The following MAJIN variants were observed in gnomAD, a reference collection of about 807,000 sequenced individuals.
MAJIN encodes membrane anchored junction protein, also known as membrane-anchored junction protein.
MAJIN carries 27 observed loss-of-function variants against 30.2 expected under a neutral mutation model. The observed-to-expected ratio is 0.89, with a 90% confidence interval of 0.66 to 1.23. The LOEUF (loss-of-function observed/expected upper bound fraction) is 1.23. MAJIN is among the 50% of genes most tolerant of loss of function. The pLI is 0.00. For missense variants in MAJIN, 253 were observed against 260.3 expected (o/e 0.97, Z 0.19); for synonymous variants, 78 against 91.6 (o/e 0.85, Z 0.85).
At chr11:64,938,613 G>A in intron 10 of MAJIN, 40 bp from the exon 11 acceptor site, 3 of 1,526,168 alleles carry the variant, frequency 2.0e-6, no homozygotes, top group Non-Finnish European at 2.6e-6. Context: ...ACTCTATGAG[G>A]TCTCCTTCCC....
At chr11:64,970,240 G>A (rs1476702430) in intron 1 of MAJIN, among the ~76,000 whole-genome samples, 2 of 151,232 alleles carry the variant, frequency 1.3e-5, no homozygotes, top group Non-Finnish European at 3.0e-5. Flanking sequence ...GCAGACACCT[G>A]TAATCCCAGC....
intron 1 of MAJIN, among the ~76,000 whole-genome samples, chr11:64,964,318 G>A (rs575378578): frequency 1.3e-5 from 2 of 152,180 alleles, no homozygotes; most frequent in South Asian, 2.1e-4. Context: ...CAGCCTGTAT[G>A]TCCAACTAGA....
chr11:64,942,028 T>C (rs1238905974), intron 8 of MAJIN, among the ~76,000 whole-genome samples: 1 of 152,190 alleles, frequency 6.6e-6, no homozygotes, highest in Non-Finnish European at 1.5e-5. Context: ...TTCTTTGTAC[T>C]CTGAAGAGGA....
intron 8 of MAJIN, among the ~76,000 whole-genome samples, chr11:64,945,457 C>A (rs865799625): frequency 2.8e-4 from 43 of 152,188 alleles, no homozygotes; most frequent in African/African-American, 1.0e-3. Flanking sequence ...AAATTCTATA[C>A]TGGATCCCAC....
In MAJIN at chr11:64,938,372, C is replaced by A. The variant is rs1005334964; in HGVS notation, c.*203G>T. The A allele has an allele frequency of 2.4e-5, 18 of 765,342 alleles. No individual in the cohort carries two copies. The highest frequency in any genetic ancestry group is 3.8e-5 in the Non-Finnish European group (18 of 477,380). 47.4% of individuals were successfully genotyped at this position (765,342 alleles called of 1,614,324 possible). A position where few individuals can be genotyped will look rare whatever the true frequency, so the allele number is the denominator to read the frequency against. ...GGGGAAAAAATCTATTATAAAGGGG[C>A]AAAGGACACGATAAAACCACAGAGG... On this transcript the variant is annotated 3_prime_UTR_variant, in exon 11 of 11. Transcript: ENST00000301896.
intron 4 of MAJIN, among the ~76,000 whole-genome samples, chr11:64,952,336 T>C (rs1945565923): frequency 6.6e-6 from 1 of 151,924 alleles, no homozygotes; most frequent in Non-Finnish European, 1.5e-5. Flanking sequence ...TACAGGTGCC[T>C]GCCACCACAC....
At chr11:64,956,763 G>T (rs1213940356) in intron 3 of MAJIN, among the ~76,000 whole-genome samples, 72 of 102,444 alleles carry the variant, frequency 7.0e-4, no homozygotes, top group Middle Eastern at 6.5e-3. Context: ...CATATAAGCT[G>T]TTTTTTTTTT....
At chr11:64,959,521 A>G in intron 2 of MAJIN, 99 bp from the exon 3 acceptor site, 1 of 859,372 alleles carries the variant, frequency 1.2e-6, no homozygotes, top group Non-Finnish European at 1.8e-6. Context: ...TCATGAGTAA[A>G]ATGTCCAACA....
chr11:64,948,282 CCT>C (rs906411108), intron 6 of MAJIN, among the ~76,000 whole-genome samples: 2 of 151,824 alleles, frequency 1.3e-5, no homozygotes, highest in Non-Finnish European at 2.9e-5. Context: ...CTCTTCCTCC[CCT>C]GTTTCAGAAT....
chr11:64,954,170 G>A (rs1192259225), intron 4 of MAJIN: 2 of 165,446 alleles, frequency 1.2e-5, no homozygotes, highest in Admixed American at 1.1e-4. Context: ...TGCCAGGACT[G>A]GAATCCAGGG....
intron 8 of MAJIN, among the ~76,000 whole-genome samples, chr11:64,941,029 A>G (rs537828068): frequency 7.9e-5 from 12 of 151,298 alleles, no homozygotes; most frequent in Non-Finnish European, 1.8e-4. Context: ...TAGTAGAGAC[A>G]GGGTTTCACC....
intron 6 of MAJIN, among the ~76,000 whole-genome samples, chr11:64,948,261 G>A (rs1945481914): frequency 6.6e-6 from 1 of 151,796 alleles, no homozygotes; most frequent in Non-Finnish European, 1.5e-5. Flanking sequence ...TAAAAATAGT[G>A]TCTTCAAACT....
At chr11:64,959,454 G>A in intron 2 of MAJIN, 32 bp from the exon 3 acceptor site, 1 of 1,538,216 alleles carries the variant, frequency 6.5e-7, no homozygotes, top group Non-Finnish European at 9.0e-7. Context: ...TTACTAAAAA[G>A]CTAACGATTG....
chr11:64,957,274 C>T (rs1945651239), intron 3 of MAJIN, among the ~76,000 whole-genome samples: 1 of 151,356 alleles, frequency 6.6e-6, no homozygotes, highest in Non-Finnish European at 1.5e-5. Flanking sequence ...GAGATGGGGT[C>T]TCACTTTGTT....
At chr11:64,948,362 G>C (rs1026034488) in intron 6 of MAJIN, among the ~76,000 whole-genome samples, 2 of 151,618 alleles carry the variant, frequency 1.3e-5, no homozygotes, top group Non-Finnish European at 2.9e-5. Flanking sequence ...AAAGAAAAAA[G>C]GTAGAACTTC....
chr11:64,947,266 A>T, intron 8 of MAJIN, 108 bp downstream of exon 8: 1 of 851,094 alleles, frequency 1.2e-6, no homozygotes, highest in Non-Finnish European at 1.8e-6. Context: ...ATACTGATGA[A>T]GTCCTGCAAA....
intron 1 of MAJIN, among the ~76,000 whole-genome samples, chr11:64,961,541 T>A (rs1945725878): frequency 1.4e-5 from 2 of 139,232 alleles, no homozygotes; most frequent in African/African-American, 2.7e-5. Context: ...AGTGGCGTGA[T>A]CTCTGCTCAC....
At chr11:64,958,480 TG>T (rs1945670141) in intron 3 of MAJIN, among the ~76,000 whole-genome samples, 1 of 150,366 alleles carries the variant, frequency 6.7e-6, no homozygotes, top group Non-Finnish European at 1.5e-5. Context: ...TAGCCTGGTG[TG>T]GTGGCACTAT....
At chr11:64,968,117 AAGAG>A (rs927149528) in intron 1 of MAJIN, among the ~76,000 whole-genome samples, 16 of 152,274 alleles carry the variant, frequency 1.1e-4, no homozygotes, top group South Asian at 2.1e-4. Flanking sequence ...ATTGAGAATG[AAGAG>A]AGAGAGGAGG....
Sources: gnomAD v4.1 joint callset for allele counts (sites outside exome capture counted in the v4.1 genomes callset) on GRCh38, gnomAD v4.1.1 for gene constraint, MANE v1.5 for transcripts, NCBI Gene and HGNC (gene_info 2026-07-23, HGNC 2026-07-21) for gene names.